Variants in TRIP12 observed in about 807,000 individuals in gnomAD.
TRIP12 encodes the protein thyroid hormone receptor interactor 12, also known as E3 ubiquitin-protein ligase TRIP12.
In TRIP12, 25 loss-of-function variants were observed where a neutral mutation model predicts 244.2. The ratio of observed to expected loss-of-function variants is 0.10; its 90% confidence interval spans 0.07 to 0.14. TRIP12 has a LOEUF of 0.14. TRIP12 is among the 10% of genes least tolerant of loss of function. The probability of loss-of-function intolerance (pLI) is 1.00; values close to 1 mark genes in which losing one functional copy is unlikely to be tolerated. For missense variants in TRIP12, 1,677 were observed against 2,486.4 expected (o/e 0.67, Z 6.92); for synonymous variants, 905 against 873.1 (o/e 1.04, Z -0.64).
At chr2:229,873,016 C>G (rs1425458142) in intron 2 of TRIP12, among the ~76,000 whole-genome samples, 1 of 152,052 alleles carries the variant, frequency 6.6e-6, no homozygotes, top group East Asian at 1.9e-4. Flanking sequence ...AGATTAATAA[C>G]AAATACAAAG....
At chr2:229,903,865 A>T (rs2071824985) in intron 1 of TRIP12, among the ~76,000 whole-genome samples, 1 of 146,920 alleles carries the variant, frequency 6.8e-6, no homozygotes, top group Non-Finnish European at 1.5e-5. Context: ...TACCAAAAAT[A>T]CAAAAAAAAA....
chr2:229,812,243 G>A (rs375322497), intron 13 of TRIP12, among the ~76,000 whole-genome samples: 22 of 151,896 alleles, frequency 1.4e-4, no homozygotes, highest in Admixed American at 1.1e-3. Context: ...CACCACACCC[G>A]GCTAATTTTT....
intron 1 of TRIP12, among the ~76,000 whole-genome samples, chr2:229,904,225 C>A (rs1040484374): frequency 6.6e-6 from 1 of 151,752 alleles, no homozygotes; most frequent in South Asian, 2.1e-4. Context: ...TGAAACCAAC[C>A]CAGTCAACAT....
At position 229,878,583 on chromosome 2, in the gene TRIP12, A is replaced by AT. The variant is rs1197647806; in HGVS notation, c.98+1398dup. On this transcript the variant is annotated intron_variant, in intron 2 of 41. Coordinates refer to ENST00000675903, the MANE Select transcript of TRIP12 (RefSeq NM_001348323.3). ...TCTTTACATTTGACATTAAAAAAAA[A>AT]TTTTTTTTTTTTGAGACGGAGTCTC... 2.7e-3 allele frequency among the ~76,000 whole-genome samples: 399 copies of AT among 146,950 alleles called. 1 individual carries two copies. The highest frequency in any genetic ancestry group is 5.9e-3 in the African/African-American group (239 of 40,266).
chr2:229,907,681 G>A (rs2154374751), intron 1 of TRIP12, among the ~76,000 whole-genome samples: 1 of 152,230 alleles, frequency 6.6e-6, no homozygotes, highest in South Asian at 2.1e-4. Flanking sequence ...GCACATGTCT[G>A]CAGTCTTAGC....
At chr2:229,898,764 T>A (rs1251578899) in intron 1 of TRIP12, among the ~76,000 whole-genome samples, 1 of 152,136 alleles carries the variant, frequency 6.6e-6, no homozygotes, top group East Asian at 1.9e-4. Context: ...CAATCAAAGC[T>A]CACTATAACC....
intron 2 of TRIP12, among the ~76,000 whole-genome samples, chr2:229,862,025 T>C (rs1429278290): frequency 6.6e-6 from 1 of 152,172 alleles, no homozygotes; most frequent in Non-Finnish European, 1.5e-5. Context: ...AGATTTTTTA[T>C]ACATTGTGTT....
intron 1 of TRIP12, among the ~76,000 whole-genome samples, chr2:229,920,688 C>T (rs1329619633): frequency 6.6e-6 from 1 of 152,136 alleles, no homozygotes. Context: ...CCCTCCTGTC[C>T]CCCACCAGGA....
chr2:229,865,458 A>G (rs1439068444), intron 2 of TRIP12, among the ~76,000 whole-genome samples: 1 of 151,822 alleles, frequency 6.6e-6, no homozygotes, highest in African/African-American at 2.4e-5. Context: ...TTTAATTTTT[A>G]TGCTAGACAT....
chr2:229,803,511 A>G lies in TRIP12; in HGVS notation c.2998+60T>C. On this transcript the variant is annotated intron_variant, in intron 20 of 41. Transcript: ENST00000675903. Reference sequence around the variant, plus strand: ...TATCAGTTTTTGCTCGACAGATTAAAACTTTATTTCTGTTGAAGTACTATC... The same window carrying G: ...TATCAGTTTTTGCTCGACAGATTAAGACTTTATTTCTGTTGAAGTACTATC... 3 of 1,151,230 alleles carry G rather than the reference A, an allele frequency of 2.6e-6. No homozygotes were observed. In the South Asian group the frequency reaches 4.3e-5, roughly 16 times the overall value. 71.3% of individuals were successfully genotyped at this position (1,151,230 alleles called of 1,614,324 possible). A position where few individuals can be genotyped will look rare whatever the true frequency, so the allele number is the denominator to read the frequency against.
At chr2:229,805,222 A>AAACAACAACAACAAC (rs1297499840) in intron 18 of TRIP12, among the ~76,000 whole-genome samples, 8,418 of 149,412 alleles carry the variant, frequency 0.056, 697 homozygotes, top group African/African-American at 0.18. Context: ...GCCCTTTTCA[A>AAACAACAACAACAAC]AACAACAACA....
Position 229,808,201 on chromosome 2 carries a change from C to T in TRIP12, c.2339+51G>A, listed in dbSNP as rs757922150. On this transcript the variant is annotated intron_variant, in intron 16 of 41. Coordinates refer to ENST00000675903, the MANE Select transcript of TRIP12 (RefSeq NM_001348323.3). Reference sequence around the variant, plus strand: ...CAGGCTGGTCTCGAACTCCTGACCTCGTGATTCACCCGCCTTGGCCTCCCA... The same window carrying T: ...CAGGCTGGTCTCGAACTCCTGACCTTGTGATTCACCCGCCTTGGCCTCCCA... The T allele has an allele frequency of 6.7e-6, 9 of 1,348,528 alleles. No homozygotes were observed. In the Admixed American group the frequency reaches 8.5e-5, roughly 13 times the overall value. The allele number at this position is 1,348,528 out of a possible 1,614,324, so 83.5% of individuals were successfully genotyped here. A position where few individuals can be genotyped will look rare whatever the true frequency, so the allele number is the denominator to read the frequency against.
intron 1 of TRIP12, 84 bp from the exon 2 acceptor site, chr2:229,880,212 G>T: frequency 1.2e-6 from 1 of 832,596 alleles, no homozygotes; most frequent in Non-Finnish European, 1.9e-6. Flanking sequence ...ACGGTGACAT[G>T]GAAATTTTCT....
At chr2:229,804,304 T>A in intron 18 of TRIP12, 77 bp from the exon 19 acceptor site, 1 of 1,256,520 alleles carries the variant, frequency 8.0e-7, no homozygotes, top group East Asian at 2.4e-5. Context: ...TATAAAATAC[T>A]CAAGCCAGTG....
rs1233428419 is a variant in TRIP12 at position 229,860,451 on chromosome 2, T to C, written c.179A>G (p.Gln60Arg). 6.2e-7 allele frequency: 1 copy of C among 1,612,100 alleles called. No homozygotes were observed. The highest frequency in any genetic ancestry group is 1.1e-5 in the South Asian group (1 of 91,002). Residue 60 changes from glutamine to arginine, a missense_variant, in exon 3 of 42, where the codon CAG becomes CGG. Gln to Arg is a conservative substitution (Grantham distance 43). This residue lies in a region of TRIP12 where 387 missense variants were observed against 392.6 expected (regional missense o/e 0.99). Transcript: ENST00000675903. ...TGACAGTTCAGAAGTAGTATTAGAC[T>C]GCACTTTGGGTGCCTTAGAATTAGA... The part of the protein sequence containing the change: ...RKSNSKAPKV[Q>R]SNTTSELSRG...
At chr2:229,914,208 AAATAAAAATAAT>A (rs1033724876) in intron 1 of TRIP12, among the ~76,000 whole-genome samples, 6 of 152,152 alleles carry the variant, frequency 3.9e-5, no homozygotes, top group Non-Finnish European at 8.8e-5. Context: ...CTGCCTCAAA[AAATAAAAATAAT>A]AATAAAAATA....
intron 1 of TRIP12, among the ~76,000 whole-genome samples, chr2:229,916,083 A>G (rs2075327353): frequency 6.6e-6 from 1 of 152,224 alleles, no homozygotes; most frequent in Non-Finnish European, 1.5e-5. Flanking sequence ...AGTACTGTAA[A>G]CAAGTGGAGA....
intron 6 of TRIP12, among the ~76,000 whole-genome samples, chr2:229,834,457 C>T (rs1007702420): frequency 6.6e-6 from 1 of 152,134 alleles, no homozygotes; most frequent in African/African-American, 2.4e-5. Flanking sequence ...TGATTATGTC[C>T]AAATCTACGA....
intron 25 of TRIP12, 127 bp from the exon 26 acceptor site, chr2:229,795,457 G>A: frequency 8.6e-7 from 1 of 1,160,106 alleles, no homozygotes; most frequent in South Asian, 1.7e-5. Context: ...ATCTTTTATG[G>A]CAGATTTGGT....
Sources: allele counts gnomAD v4.1 joint callset (sites outside exome capture counted in the v4.1 genomes callset), GRCh38; gene constraint gnomAD v4.1.1; regional missense constraint gnomAD v4.1.1; transcripts MANE v1.5; gene names NCBI Gene and HGNC (gene_info 2026-07-23, HGNC 2026-07-21).